The following SNRNP48 variants were observed in gnomAD, a reference collection of about 807,000 sequenced individuals.
SNRNP48 encodes the protein U11/U12 small nuclear ribonucleoprotein 48 kDa protein.
In SNRNP48, 43 loss-of-function variants were observed where a neutral mutation model predicts 47.0. That is an observed-to-expected ratio of 0.92 (90% confidence interval 0.72 to 1.18). SNRNP48 has a LOEUF of 1.18. SNRNP48 is among the 50% of genes most tolerant of loss of function. The probability of loss-of-function intolerance (pLI) is 0.00; values close to 1 mark genes in which losing one functional copy is unlikely to be tolerated. For missense variants in SNRNP48, 396 were observed against 422.2 expected (o/e 0.94, Z 0.54); for synonymous variants, 138 against 144.0 (o/e 0.96, Z 0.30).
intron 2 of SNRNP48, 22 bp downstream of exon 2, chr6:7,593,869 A>G (rs1238126810): frequency 1.4e-6 from 2 of 1,423,268 alleles, no homozygotes; most frequent in Non-Finnish European, 1.9e-6. Context: ...TTACTATATT[A>G]TATATACATA....
At chr6:7,601,045 C>A (rs1043303319) in intron 4 of SNRNP48, 2 of 220,722 alleles carry the variant, frequency 9.1e-6, no homozygotes, top group African/African-American at 4.6e-5. Flanking sequence ...TTTCTTAGAG[C>A]AAATTGTCTC....
chr6:7,595,099 A>G lies in SNRNP48; in HGVS notation c.404A>G (p.Gln135Arg), dbSNP rs1759881060. The G allele has an allele frequency of 1.3e-6, 2 of 1,588,380 alleles. No homozygotes were observed. The highest frequency in any genetic ancestry group is 8.5e-7 in the Non-Finnish European group (1 of 1,170,758). Reference sequence around the variant, plus strand: ...GGGAAAGACAGTGATTGTTATAATCAAAGTAAGTGGCATTACAGTTTAAGT... The same window carrying G: ...GGGAAAGACAGTGATTGTTATAATCGAAGTAAGTGGCATTACAGTTTAAGT... ...AVGKDSDCYN[Q>R]RIYSSLPVEV... Residue 135 changes from glutamine to arginine, a missense_variant and splice_region_variant, in exon 4 of 9, where the codon CAA becomes CGA. Gln to Arg is a conservative substitution (Grantham distance 43). Transcript: ENST00000342415.
rs1760182903 is a variant in SNRNP48, at chr6:7,608,983, G to C, written c.*110G>C. On this transcript the variant is annotated 3_prime_UTR_variant, in exon 9 of 9. Coordinates refer to ENST00000342415, the MANE Select transcript of SNRNP48 (RefSeq NM_152551.4). ...AGAATGTTTTTATGATCTGTTTAGT[G>C]CTTATTATTTTTTTTATGATCTGTT... 3 of 529,796 alleles carry C rather than the reference G, an allele frequency of 5.7e-6. No individual in the cohort carries two copies. The South Asian group carries it at 1.5e-4, about 27-fold the overall frequency. The allele number at this position is 529,796 out of a possible 1,614,324, so 32.8% of individuals were successfully genotyped here.
At chr6:7,596,073 G>C (rs1759899618) in intron 4 of SNRNP48, among the ~76,000 whole-genome samples, 1 of 152,128 alleles carries the variant, frequency 6.6e-6, no homozygotes, top group East Asian at 1.9e-4. Context: ...AGACCACCCT[G>C]GCCAACATGG....
intron 4 of SNRNP48, among the ~76,000 whole-genome samples, chr6:7,596,720 CA>C (rs1759910561): frequency 6.6e-6 from 1 of 152,270 alleles, no homozygotes; most frequent in African/African-American, 2.4e-5. Context: ...TTGAGGGAGA[CA>C]GTTGACTCTC....
chr6:7,592,902 T>G (rs1374555854), intron 1 of SNRNP48, among the ~76,000 whole-genome samples: 2 of 152,130 alleles, frequency 1.3e-5, no homozygotes, highest in African/African-American at 4.8e-5. Context: ...GGTGATTGAT[T>G]GGACGTGGGT....
At position 7,595,013 on chromosome 6, in the gene SNRNP48, T is replaced by TG; in HGVS notation, c.332-14_332-13insG. On this transcript the variant is annotated splice_polypyrimidine_tract_variant and intron_variant, in intron 3 of 8. Coordinates refer to ENST00000342415, the MANE Select transcript of SNRNP48 (RefSeq NM_152551.4). ...GATTCATATTGTATTTATGGATTTT[T>TG]TTTTTTTTGACAGATAAGGACTCAC... 6.3e-7 allele frequency: 1 copy of TG among 1,580,992 alleles called. No individual in the cohort carries two copies. The highest frequency in any genetic ancestry group is 1.2e-5 in the South Asian group (1 of 84,290).
chr6:7,595,908 A>G (rs1460420169), intron 4 of SNRNP48, among the ~76,000 whole-genome samples: 6 of 152,206 alleles, frequency 3.9e-5, no homozygotes, highest in Non-Finnish European at 8.8e-5. Context: ...CTCAGCAGAG[A>G]GTAGGTTAGA....
In SNRNP48 at chr6:7,609,115, T is replaced by G; in HGVS notation, c.*242T>G. 1 of 265,244 alleles carries G rather than the reference T, an allele frequency of 3.8e-6. No homozygotes were observed. 16.4% of individuals were successfully genotyped at this position (265,244 alleles called of 1,614,324 possible). A position where few individuals can be genotyped will look rare whatever the true frequency, so the allele number is the denominator to read the frequency against. Reference sequence around the variant, plus strand: ...TATTAGATGATTTGCTTCCTATAACTGATGTTGTTTTGTTCGTTTTGCTAA... The same window carrying G: ...TATTAGATGATTTGCTTCCTATAACGGATGTTGTTTTGTTCGTTTTGCTAA... On this transcript the variant is annotated 3_prime_UTR_variant, in exon 9 of 9. Transcript: ENST00000342415.
chr6:7,599,541 G>A (rs947268918), intron 4 of SNRNP48: 1 of 442,338 alleles, frequency 2.3e-6, no homozygotes, highest in Non-Finnish European at 3.5e-6. Context: ...CATGCATTTT[G>A]AAAATTTACA....
chr6:7,599,144 C>T (rs562902997), intron 4 of SNRNP48, among the ~76,000 whole-genome samples: 40 of 152,206 alleles, frequency 2.6e-4, no homozygotes, highest in African/African-American at 7.5e-4. Context: ...TTATCTGTAA[C>T]GTTAAGGAAT....
chr6:7,590,919 AGTGAGCCGAGATCGCTCCACT>A (rs1759805385), intron 1 of SNRNP48, among the ~76,000 whole-genome samples: 1 of 152,338 alleles, frequency 6.6e-6, no homozygotes, highest in African/African-American at 2.4e-5. Context: ...TCGAGGCTGC[AGTGAGCCGAGATCGCTCCACT>A]GCATTCCAGC....
intron 4 of SNRNP48, chr6:7,600,206 G>A: frequency 1.0e-6 from 1 of 986,362 alleles, no homozygotes. Flanking sequence ...GTTAAACCAT[G>A]GCCTCAGATT....
Position 7,590,313 on chromosome 6 carries a change from A to G in SNRNP48, c.56A>G (p.Asn19Ser). ...CGGCGGCGGCTGCAGGAGGAGCTGA[A>G]CGAGTTCGTGGAGAGCGGCTGCCGG... ...EERRRLQEEL[N>S]EFVESGCRTL... Residue 19 changes from asparagine to serine, a missense_variant, in exon 1 of 9, where the codon AAC (asparagine) becomes AGC (serine). Asn to Ser is a conservative substitution (Grantham distance 46). Transcript: ENST00000342415. 1.4e-6 allele frequency: 2 copies of G among 1,404,180 alleles called. No homozygotes were observed. The highest frequency in any genetic ancestry group is 1.8e-5 in the South Asian group (1 of 56,002). The allele number at this position is 1,404,180 out of a possible 1,614,324, so 87.0% of individuals were successfully genotyped here.
chr6:7,590,212 G>C lies in SNRNP48; in HGVS notation c.-46G>C, dbSNP rs769465661. 1.5e-5 allele frequency: 19 copies of C among 1,269,050 alleles called. No homozygotes were observed. The highest frequency in any genetic ancestry group is 1.9e-5 in the Non-Finnish European group (19 of 999,810). 78.6% of individuals were successfully genotyped at this position (1,269,050 alleles called of 1,614,324 possible). A position where few individuals can be genotyped will look rare whatever the true frequency, so the allele number is the denominator to read the frequency against. On this transcript the variant is annotated 5_prime_UTR_variant, in exon 1 of 9. Coordinates refer to ENST00000342415, the MANE Select transcript of SNRNP48 (RefSeq NM_152551.4). ...CCACAGCTCCCAGAGGCCTGCGCGT[G>C]CGGTCTGCAGTTCGGCCGCTTCCTC...
chr6:7,596,744 C>T (rs761360274), intron 4 of SNRNP48, among the ~76,000 whole-genome samples: 5 of 152,078 alleles, frequency 3.3e-5, no homozygotes, highest in Non-Finnish European at 5.9e-5. Context: ...TTTATTTATT[C>T]GGAGAGATTA....
chr6:7,596,283 T>C (rs985417267), intron 4 of SNRNP48, among the ~76,000 whole-genome samples: 2 of 151,452 alleles, frequency 1.3e-5, no homozygotes, highest in Admixed American at 1.3e-4. Flanking sequence ...AAAACACACA[T>C]AGACAAACGA....
intron 4 of SNRNP48, among the ~76,000 whole-genome samples, chr6:7,598,156 C>A (rs1396608275): frequency 1.3e-5 from 2 of 151,516 alleles, no homozygotes; most frequent in Admixed American, 1.3e-4. Context: ...CGGGAGCCAC[C>A]GCGCCTGGCC....
intron 4 of SNRNP48, chr6:7,600,658 G>A (rs1760000346): frequency 6.6e-6 from 1 of 151,974 alleles, no homozygotes; most frequent in Admixed American, 6.6e-5. Context: ...CTACCGGGGG[G>A]CACTGCTATT....
Sources: gnomAD v4.1 joint callset for allele counts (sites outside exome capture counted in the v4.1 genomes callset) on GRCh38, gnomAD v4.1.1 for gene constraint, MANE v1.5 for transcripts, NCBI Gene and HGNC (gene_info 2026-07-23, HGNC 2026-07-21) for gene names.